The following DPH1 variants were observed in gnomAD, a reference collection of about 807,000 sequenced individuals.
DPH1 encodes diphthamide biosynthesis 1.
In DPH1, 59 loss-of-function variants were observed where a neutral mutation model predicts 55.3. The observed-to-expected ratio is 1.07, with a 90% CI of 0.87 to 1.33. The LOEUF (loss-of-function observed/expected upper bound fraction) is 1.33. DPH1 is among the 40% of genes most tolerant of loss of function. The pLI is 0.00. For synonymous variants in DPH1, 238 were observed against 235.5 expected (o/e 1.01, Z -0.10); for missense variants, 628 against 584.8 (o/e 1.07, Z -0.76).
chr17:2,042,584 T>G, intron 12 of DPH1, 21 bp from the exon 13 acceptor site: 1 of 1,507,844 alleles, frequency 6.6e-7, no homozygotes, highest in Non-Finnish European at 8.8e-7. Context: ...AATCCCATCC[T>G]TTTTCCTCAT....
chr17:2,043,022 C>T lies in DPH1; in HGVS notation c.*436C>T. ...CAATTTCCCGGAGCCATCACCCTCA[C>T]CCACTCTGGTGGCCACTTCATTCCA... On this transcript the variant is annotated 3_prime_UTR_variant, in exon 13 of 13. Coordinates refer to ENST00000263083, the MANE Select transcript of DPH1 (RefSeq NM_001383.6). 1.9e-6 allele frequency: 3 copies of T among 1,614,096 alleles called. No homozygotes were observed. The highest frequency in any genetic ancestry group is 2.5e-6 in the Non-Finnish European group (3 of 1,180,036).
At chr17:2,031,365 A>G (rs529924837) in intron 1 of DPH1, among the ~76,000 whole-genome samples, 2 of 152,136 alleles carry the variant, frequency 1.3e-5, no homozygotes, top group African/African-American at 4.8e-5. Flanking sequence ...GTTTGAGACC[A>G]GCCTGGCCAA....
At position 2,036,899 on chromosome 17, in the gene DPH1, C is replaced by CTG; in HGVS notation, c.624_625dup (p.Gly209ValfsTer33). 6.2e-7 allele frequency: 1 copy of CTG among 1,613,878 alleles called. No homozygotes were observed. Among genetic ancestry groups the CTG allele is most frequent in the South Asian group, 1.1e-5 (1 of 91,076 alleles). ...GTCCCACAGTGCAAGCCCCTGTCCCCTGGAGAGATCCTGGGCTGCACATCC... is the reference window on the plus strand; with the variant it reads ...GTCCCACAGTGCAAGCCCCTGTCCCCTGTGGAGAGATCCTGGGCTGCACATCC... On this transcript the variant is annotated frameshift_variant, in exon 6 of 13. Transcript: ENST00000263083. LOFTEE classifies it high-confidence loss of function. This position sits in a 1 kb window ranked among gnomAD's most constrained non-coding sequence, Gnocchi z 4.8.
rs374239011 is a variant in DPH1 at position 2,041,315 on chromosome 17, A to C, written c.1086+134A>C. The C allele has an allele frequency of 6.4e-5, 93 of 1,452,078 alleles. 3 individuals carry two copies. The East Asian group carries it at 2.2e-3, about 34-fold the overall frequency. The allele number at this position is 1,452,078 out of a possible 1,614,324, so 89.9% of individuals were successfully genotyped here. On this transcript the variant is annotated intron_variant, in intron 10 of 12. Coordinates refer to ENST00000263083, the MANE Select transcript of DPH1 (RefSeq NM_001383.6). ...GAGTCTGTCTCGATTTCTCCAGCGG[A>C]GTCACTTCCTAGCTGTGTAGCCTTA...
intron 6 of DPH1, among the ~76,000 whole-genome samples, chr17:2,037,952 C>T (rs146307102): frequency 2.2e-4 from 33 of 152,228 alleles, no homozygotes; most frequent in Non-Finnish European, 3.8e-4. Flanking sequence ...GATAGGACTG[C>T]GTGAACTAAT....
In DPH1 at chr17:2,036,903, A is replaced by G. The variant is rs747883131; in HGVS notation, c.627A>G (p.Gly209=). Residue 209 remains glycine (G), a synonymous_variant, in exon 6 of 13, where the codon GGA becomes GGG. Coordinates refer to ENST00000263083, the MANE Select transcript of DPH1 (RefSeq NM_001383.6). This position sits in a 1 kb window ranked among gnomAD's most constrained non-coding sequence, Gnocchi z 4.8. ...SVPQCKPLSP[G]EILGCTSPRL... The stretch of plus-strand genomic sequence containing the variant: ...CACAGTGCAAGCCCCTGTCCCCTGG[A>G]GAGATCCTGGGCTGCACATCCCCCC... The G allele has an allele frequency of 3.7e-5, 60 of 1,613,688 alleles. No homozygotes were observed. Among genetic ancestry groups the G allele is most frequent in the Non-Finnish European group, 4.5e-5 (53 of 1,179,982 alleles).
intron 3 of DPH1, among the ~76,000 whole-genome samples, chr17:2,034,051 C>A (rs1403199266): frequency 6.6e-6 from 1 of 152,144 alleles, no homozygotes; most frequent in South Asian, 2.1e-4. Context: ...CCCTGCAAAT[C>A]CCCCCTCCCC....
At chr17:2,040,760 C>T in intron 9 of DPH1, 155 bp downstream of exon 9, 1 of 802,896 alleles carries the variant, frequency 1.2e-6, no homozygotes, top group Non-Finnish European at 2.0e-6. Context: ...TGGGTCATAC[C>T]TGCTTTGGGA....
rs1474063011 is a variant in DPH1 at position 2,043,273 on chromosome 17, C to T, written c.*687C>T. On this transcript the variant is annotated 3_prime_UTR_variant, in exon 13 of 13. Coordinates refer to ENST00000263083, the MANE Select transcript of DPH1 (RefSeq NM_001383.6). ...CAAATTATAAGGGCCCTGCCCTGTA[C>T]TGAAGAAAAGGGGAGCACAAGGCCT... The T allele has an allele frequency of 1.2e-6, 1 of 809,490 alleles. No homozygotes were observed. Among genetic ancestry groups the T allele is most frequent in the Non-Finnish European group, 1.9e-6 (1 of 527,300 alleles). The allele number at this position is 809,490 out of a possible 1,614,324, so 50.1% of individuals were successfully genotyped here. A position where few individuals can be genotyped will look rare whatever the true frequency, so the allele number is the denominator to read the frequency against.
chr17:2,035,657 C>T (rs1199561708), intron 3 of DPH1, among the ~76,000 whole-genome samples: 1 of 152,078 alleles, frequency 6.6e-6, no homozygotes, highest in South Asian at 2.1e-4. Flanking sequence ...GTGGGTGAGT[C>T]AGGGCATGGG....
chr17:2,041,932 T>C, intron 12 of DPH1, 57 bp downstream of exon 12: 1 of 1,530,362 alleles, frequency 6.5e-7, no homozygotes, highest in Non-Finnish European at 8.7e-7. Context: ...GGGAACGCCT[T>C]GGCGCTCCGA....
chr17:2,032,671 A>G (rs2067346366), intron 1 of DPH1, among the ~76,000 whole-genome samples: 1 of 152,254 alleles, frequency 6.6e-6, no homozygotes, highest in African/African-American at 2.4e-5. Flanking sequence ...TAAGGCACCA[A>G]GCAGGGAGAC....
In DPH1 at chr17:2,043,698, A is replaced by G. The variant is rs1268476447; in HGVS notation, c.*1112A>G. The G allele has an allele frequency of 1.3e-5, 2 of 153,316 alleles. No individual in the cohort carries two copies. Among genetic ancestry groups the G allele is most frequent in the African/African-American group, 4.8e-5 (2 of 41,430 alleles). The allele number at this position is 153,316 out of a possible 1,614,324, so 9.5% of individuals were successfully genotyped here. On this transcript the variant is annotated 3_prime_UTR_variant, in exon 13 of 13. Transcript: ENST00000263083. ...GACATCACCTGGCAAGGCTGCCTGA[A>G]CCACAGTAATTTAGTCTTCCTCTAT...
rs769815382 is a variant in DPH1, at chr17:2,041,653, C to G, written c.1227+32C>G. ...GGGGGCTTCCAGGAGGGAGGAGAGA[C>G]CGCGCCTGGGCACTGGCCGCCGCCC... is the stretch of plus-strand genomic sequence containing the variant. On this transcript the variant is annotated intron_variant, in intron 11 of 12. Transcript: ENST00000263083. The G allele has an allele frequency of 1.3e-5, 21 of 1,591,830 alleles. No homozygotes were observed. In the Admixed American group the frequency reaches 2.0e-4, roughly 15 times the overall value.
chr17:2,037,796 G>C (rs2067448826), intron 6 of DPH1, among the ~76,000 whole-genome samples: 1 of 152,166 alleles, frequency 6.6e-6, no homozygotes, highest in Non-Finnish European at 1.5e-5. Flanking sequence ...CAGCATGTCT[G>C]GGGGCACACT....
At chr17:2,040,773 T>G in intron 9 of DPH1, 168 bp downstream of exon 9, 1 of 735,050 alleles carries the variant, frequency 1.4e-6, no homozygotes, top group East Asian at 2.7e-5. Flanking sequence ...CTTTGGGACT[T>G]TGGGGCTCAG....
At chr17:2,034,178 TGA>T (rs1184467437) in intron 3 of DPH1, among the ~76,000 whole-genome samples, 1 of 151,368 alleles carries the variant, frequency 6.6e-6, no homozygotes, top group Non-Finnish European at 1.5e-5. Flanking sequence ...TGAAATGCGC[TGA>T]GTGATCAGTG....
Position 2,036,693 on chromosome 17 carries a change from G to A in DPH1, c.558+7G>A, listed in dbSNP as rs2151347995. 6.2e-7 allele frequency: 1 copy of A among 1,613,952 alleles called. No homozygotes were observed. Among genetic ancestry groups the A allele is most frequent in the African/African-American group, 1.3e-5 (1 of 75,038 alleles). Reference sequence around the variant, plus strand: ...GTTTGTGTCGACCTTGCAGGTGGGTGGAACGAGGATCCTCGGCCTCCTGCA... The same window carrying A: ...GTTTGTGTCGACCTTGCAGGTGGGTAGAACGAGGATCCTCGGCCTCCTGCA... On this transcript the variant is annotated splice_region_variant and intron_variant, in intron 5 of 12. Transcript: ENST00000263083. This position sits in a 1 kb window ranked among gnomAD's most constrained non-coding sequence, Gnocchi z 4.8.
rs777742368 is a variant in DPH1 at position 2,033,509 on chromosome 17, G to T, written c.66G>T (p.Arg22=). The change falls in exon 2 of 13, where the codon CGG becomes CGT. Residue 22 remains arginine (R), a synonymous_variant. Transcript: ENST00000263083. The part of the protein sequence containing the change: ...QGGRDGPGRG[R]APRGRVANQI... ...CAGGCCTTATATCCATTCTAGGTCG[G>T]GCCCCTCGGGGCCGCGTGGCCAATC... 5.0e-5 allele frequency: 80 copies of T among 1,614,016 alleles called. No individual in the cohort carries two copies. In the Admixed American group the frequency reaches 1.3e-3, roughly 26 times the overall value.
Sources: allele counts gnomAD v4.1 joint callset (sites outside exome capture counted in the v4.1 genomes callset), GRCh38; gene constraint gnomAD v4.1.1; non-coding constraint Gnocchi (gnomAD v3.1); transcripts MANE v1.5; gene names NCBI Gene and HGNC (gene_info 2026-07-23, HGNC 2026-07-21).